Variants in ALPK1 observed in about 807,000 individuals in gnomAD.
ALPK1 encodes the protein alpha kinase 1, also known as alpha-protein kinase 1.
In ALPK1, 110 loss-of-function variants were observed where a neutral mutation model predicts 120.6. The observed-to-expected ratio is 0.91, with a 90% confidence interval of 0.78 to 1.07. The LOEUF is 1.07. ALPK1 is among the 50% of genes least tolerant of loss of function. ALPK1 has a pLI of 0.00. For missense variants in ALPK1, 1,498 were observed against 1,483.9 expected (o/e 1.01, Z -0.16); for synonymous variants, 582 against 560.3 (o/e 1.04, Z -0.55).
chr4:112,403,839 G>A (rs1733036389), intron 4 of ALPK1, among the ~76,000 whole-genome samples: 1 of 152,186 alleles, frequency 6.6e-6, no homozygotes, highest in South Asian at 2.1e-4. Context: ...TCAGGCTTTT[G>A]TGCTCCAATC....
At chr4:112,383,807 T>C (rs1039288101) in intron 4 of ALPK1, 10 of 152,216 alleles carry the variant, frequency 6.6e-5, no homozygotes, top group Non-Finnish European at 8.8e-5. Flanking sequence ...AGGTCAAAAA[T>C]ATTATACATT....
chr4:112,406,244 G>GATGA (rs1276802732), intron 4 of ALPK1, among the ~76,000 whole-genome samples: 3 of 152,160 alleles, frequency 2.0e-5, no homozygotes, highest in African/African-American at 7.2e-5. Context: ...TTGATGGATG[G>GATGA]ATGAATGAAT....
At chr4:112,356,866 C>G in intron 2 of ALPK1, 1 of 738,480 alleles carries the variant, frequency 1.4e-6, no homozygotes, top group Non-Finnish European at 2.5e-6. Flanking sequence ...AGGGGACGGT[C>G]GTGATCTTTG....
intron 4 of ALPK1, among the ~76,000 whole-genome samples, chr4:112,385,852 T>C (rs1418432234): frequency 2.6e-5 from 4 of 152,236 alleles, no homozygotes; most frequent in Non-Finnish European, 5.9e-5. Flanking sequence ...TGTCTTTTCA[T>C]GTTTTCTCTC....
intron 4 of ALPK1, among the ~76,000 whole-genome samples, chr4:112,388,597 T>C (rs1487183744): frequency 1.3e-5 from 2 of 148,894 alleles, no homozygotes; most frequent in African/African-American, 5.0e-5. Context: ...GGGGCTTTCA[T>C]AGCAGAAATC....
chr4:112,374,345 T>C (rs1272206656), intron 2 of ALPK1, among the ~76,000 whole-genome samples: 1 of 152,232 alleles, frequency 6.6e-6, no homozygotes, highest in Non-Finnish European at 1.5e-5. Flanking sequence ...AATTCAGTCA[T>C]ATCTTAGGCT....
intron 11 of ALPK1, among the ~76,000 whole-genome samples, chr4:112,434,320 C>T (rs1734700157): frequency 6.6e-6 from 1 of 152,204 alleles, no homozygotes; most frequent in African/African-American, 2.4e-5. Flanking sequence ...AGTCACCCAA[C>T]CCTGGTCACC....
At chr4:112,380,642 CT>C (rs1731861366) in intron 3 of ALPK1, among the ~76,000 whole-genome samples, 2 of 152,000 alleles carry the variant, frequency 1.3e-5, no homozygotes, top group Non-Finnish European at 2.9e-5. Flanking sequence ...TGTCATATCT[CT>C]TTTGCTGTAT....
In ALPK1 at chr4:112,438,639, T is replaced by C. The variant is rs1200676315; in HGVS notation, c.3344T>C (p.Ile1115Thr). 1 of 1,613,340 alleles carries C rather than the reference T, an allele frequency of 6.2e-7. No individual in the cohort carries two copies. The highest frequency in any genetic ancestry group is 8.5e-7 in the Non-Finnish European group (1 of 1,179,472). ...PTQIFYIPST[I>T]LLILEDKTIK... is the part of the protein sequence containing the mutation. ...CAGATATTCTACATCCCATCCACAA[T>C]ACTACTGGTAAGATTATCCTGAACA... The change falls in exon 13 of 16, where the codon ATA (isoleucine) becomes ACA (threonine). Residue 1115 changes from isoleucine (I) to threonine (T), a missense_variant. Ile to Thr is a moderately conservative substitution (Grantham distance 89). Coordinates refer to ENST00000650871, the MANE Select transcript of ALPK1 (RefSeq NM_025144.4).
chr4:112,336,923 AT>A (rs886081869), intron 2 of ALPK1, among the ~76,000 whole-genome samples: 21 of 151,860 alleles, frequency 1.4e-4, no homozygotes, highest in African/African-American at 1.9e-4. Flanking sequence ...TTAACTAGAA[AT>A]TTTTTTTTTC....
At chr4:112,302,722 C>G (rs1727843499) in intron 1 of ALPK1, among the ~76,000 whole-genome samples, 1 of 136,900 alleles carries the variant, frequency 7.3e-6, no homozygotes, top group Non-Finnish European at 1.5e-5. Flanking sequence ...GTGTGAGTAT[C>G]CTGAAAAAAG....
chr4:112,400,567 T>C (rs541402128), intron 4 of ALPK1, among the ~76,000 whole-genome samples: 6 of 152,220 alleles, frequency 3.9e-5, no homozygotes, highest in Non-Finnish European at 8.8e-5. Flanking sequence ...GGTTGTGTTT[T>C]TTTCCAGCCA....
intron 1 of ALPK1, among the ~76,000 whole-genome samples, chr4:112,303,471 C>T (rs1209565730): frequency 6.6e-6 from 1 of 152,158 alleles, no homozygotes; most frequent in African/African-American, 2.4e-5. Flanking sequence ...AATAGCTAAT[C>T]AATTTTGAAG....
intron 2 of ALPK1, among the ~76,000 whole-genome samples, chr4:112,353,868 CAAAT>C (rs150299871): frequency 0.14 from 20,552 of 148,722 alleles, 1,831 homozygotes; most frequent in African/African-American, 0.27. Context: ...GACTCTGTCT[CAAAT>C]AAATAAATAA....
intron 2 of ALPK1, among the ~76,000 whole-genome samples, chr4:112,331,827 A>G (rs1046558904): frequency 6.6e-6 from 1 of 152,198 alleles, no homozygotes; most frequent in Non-Finnish European, 1.5e-5. Context: ...CTTCAACTTG[A>G]TTATGGAGAG....
rs77399262 is a variant in ALPK1 at position 112,420,001 on chromosome 4, T to C, written c.476-3943T>C. Among the ~76,000 whole-genome samples the C allele has an allele frequency of 7.5e-4, 114 of 152,358 alleles. No homozygotes were observed. In the East Asian group the frequency reaches 0.02, roughly 27 times the overall value. On this transcript the variant is annotated intron_variant, in intron 5 of 15. Coordinates refer to ENST00000650871, the MANE Select transcript of ALPK1 (RefSeq NM_025144.4). ...CCTTGAAGACAGGGGCTCTGTCTTGTTCATCATTCCATCTCCAGCTCTTAG... is the reference window on the plus strand; with the variant it reads ...CCTTGAAGACAGGGGCTCTGTCTTGCTCATCATTCCATCTCCAGCTCTTAG...
At position 112,304,526 on chromosome 4, in the gene ALPK1, C is replaced by T. The variant is rs573320084; in HGVS notation, c.-153+7057C>T. Among the ~76,000 whole-genome samples, 31 of 152,164 alleles carry T rather than the reference C, an allele frequency of 2.0e-4. No homozygotes were observed. In the South Asian group the frequency reaches 4.8e-3, roughly 23 times the overall value. ...TGATGATGAGCATTTTTTCATGTGT[C>T]TGTTGGCTGCATAAATGTCTTCTTT... On this transcript the variant is annotated intron_variant, in intron 1 of 15. Coordinates refer to ENST00000650871, the MANE Select transcript of ALPK1 (RefSeq NM_025144.4).
At position 112,382,339 on chromosome 4, in the gene ALPK1, G is replaced by A. The variant is rs1731957691; in HGVS notation, c.122-59G>A. On this transcript the variant is annotated intron_variant, in intron 3 of 15. Transcript: ENST00000650871. ...ACTGAGGTGCTTCATCATAACATTG[G>A]TAGCTCAACAGCCTTTTCTTTGACT... 4 of 1,371,416 alleles carry A rather than the reference G, an allele frequency of 2.9e-6. No individual in the cohort carries two copies. The South Asian group carries it at 4.8e-5, about 17-fold the overall frequency. The allele number at this position is 1,371,416 out of a possible 1,614,324, so 85.0% of individuals were successfully genotyped here.
Position 112,433,006 on chromosome 4 carries a change from G to A in ALPK1, c.3034+425G>A, listed in dbSNP as rs186561624. ...CTGCTCAGCATCTATCTTCTCCTTC[G>A]AGTCTTTTTACCAACCAACTGATTT... On this transcript the variant is annotated intron_variant, in intron 11 of 15. Transcript: ENST00000650871. Among the ~76,000 whole-genome samples, 33 of 152,232 alleles carry A rather than the reference G, an allele frequency of 2.2e-4. No homozygotes were observed. The East Asian group carries it at 6.0e-3, about 28-fold the overall frequency.
Sources: allele counts gnomAD v4.1 joint callset (sites outside exome capture counted in the v4.1 genomes callset), GRCh38; gene constraint gnomAD v4.1.1; transcripts MANE v1.5; gene names NCBI Gene and HGNC (gene_info 2026-07-23, HGNC 2026-07-21).